The following EFR3B variants were observed in gnomAD, a reference collection of about 807,000 sequenced individuals.
EFR3B encodes EFR3 homolog B.
EFR3B carries 64 observed loss-of-function variants against 104.7 expected under a neutral mutation model. The ratio of observed to expected loss-of-function variants is 0.61; its 90% CI spans 0.50 to 0.75. The LOEUF (loss-of-function observed/expected upper bound fraction) is 0.75, where lower values mean the gene tolerates loss of function less well. Ranked by LOEUF, EFR3B falls within the 30% of genes least tolerant of loss-of-function variation. EFR3B has a pLI of 0.00. For missense variants in EFR3B, 750 were observed against 1,078.5 expected (o/e 0.70, Z 4.27); for synonymous variants, 385 against 417.9 (o/e 0.92, Z 0.96).
chr2:25,123,623 G>A (rs1362555700), intron 5 of EFR3B, among the ~76,000 whole-genome samples: 1 of 152,224 alleles, frequency 6.6e-6, no homozygotes, highest in East Asian at 1.9e-4. Context: ...TTGCAAAATG[G>A]CTATGAAGAG....
At chr2:25,097,661 G>A (rs1219301985) in intron 3 of EFR3B, among the ~76,000 whole-genome samples, 1 of 152,174 alleles carries the variant, frequency 6.6e-6, no homozygotes, top group Admixed American at 6.5e-5. Context: ...GAATTTCAAG[G>A]CATCGTTCAT....
chr2:25,123,805 C>T (rs752775633), intron 5 of EFR3B, among the ~76,000 whole-genome samples: 9 of 152,256 alleles, frequency 5.9e-5, no homozygotes, highest in East Asian at 3.8e-4. Flanking sequence ...CGTGCACACA[C>T]GCACACATGC....
In EFR3B at chr2:25,152,008, C is replaced by T; in HGVS notation, c.2286C>T (p.His762=). Residue 762 remains histidine, a synonymous_variant, in exon 21 of 23, where the codon CAC becomes CAT. Transcript: ENST00000403714. ...QKAPFEEIAA[H]CGARASLLQS... is the part of the protein sequence containing the mutation. ...CACCCTTCGAGGAGATTGCTGCACA[C>T]TGCGGGGCCCGGGTAAGTGAAGCAT... 1 of 1,551,672 alleles carries T rather than the reference C, an allele frequency of 6.4e-7. No individual in the cohort carries two copies.
intron 1 of EFR3B, among the ~76,000 whole-genome samples, chr2:25,074,077 T>G (rs1386683450): frequency 2.0e-5 from 3 of 152,178 alleles, no homozygotes; most frequent in Non-Finnish European, 4.4e-5. Flanking sequence ...TGGGGGGGAC[T>G]CATAATGGAT....
intron 1 of EFR3B, among the ~76,000 whole-genome samples, chr2:25,065,225 A>G (rs1668300546): frequency 6.6e-6 from 1 of 152,168 alleles, no homozygotes; most frequent in Non-Finnish European, 1.5e-5. Context: ...CTGTCACCCC[A>G]GTAGGAATTC....
At chr2:25,087,865 G>A (rs1159576282) in intron 1 of EFR3B, among the ~76,000 whole-genome samples, 2 of 152,088 alleles carry the variant, frequency 1.3e-5, no homozygotes, top group African/African-American at 2.4e-5. Context: ...AGAAGTCATC[G>A]CCAAAAGCGA....
chr2:25,105,756 A>G (rs995192509), intron 4 of EFR3B, among the ~76,000 whole-genome samples: 1 of 152,214 alleles, frequency 6.6e-6, no homozygotes, highest in African/African-American at 2.4e-5. Flanking sequence ...GCCACCATGC[A>G]TCCCTGGGGG....
chr2:25,133,155 G>A lies in EFR3B; in HGVS notation c.1259+141G>A, dbSNP rs891553645. ...CCAAATCCCTCAGCAGCCTTTAATG[G>A]GGCTCTTGGATCCCACAGTTTCTCA... On this transcript the variant is annotated intron_variant, in intron 11 of 22. Coordinates refer to ENST00000403714, the MANE Select transcript of EFR3B (RefSeq NM_014971.2). The A allele has an allele frequency of 5.5e-6, 5 of 909,144 alleles. No homozygotes were observed. The African/African-American group carries it at 8.3e-5, about 15-fold the overall frequency. The allele number at this position is 909,144 out of a possible 1,614,324, so 56.3% of individuals were successfully genotyped here. A position where few individuals can be genotyped will look rare whatever the true frequency, so the allele number is the denominator to read the frequency against.
rs1411467480 is a variant in EFR3B, at chr2:25,042,241, C to A, written c.-72C>A. The A allele has an allele frequency of 3.9e-6, 5 of 1,291,856 alleles. No homozygotes were observed. In the East Asian group the frequency reaches 1.6e-4, roughly 42 times the overall value. The allele number at this position is 1,291,856 out of a possible 1,614,324, so 80.0% of individuals were successfully genotyped here. ...CCCCGCCCCGACTGTGAATGAAAGGCGGGCGCCGCCGAGGGCTGGCTGGGA... is the reference window on the plus strand; with the variant it reads ...CCCCGCCCCGACTGTGAATGAAAGGAGGGCGCCGCCGAGGGCTGGCTGGGA... On this transcript the variant is annotated 5_prime_UTR_variant, in exon 1 of 23. Coordinates refer to ENST00000403714, the MANE Select transcript of EFR3B (RefSeq NM_014971.2). The surrounding 1 kb of genome is among the most constrained non-coding windows in gnomAD (Gnocchi z 5.4).
intron 19 of EFR3B, among the ~76,000 whole-genome samples, chr2:25,148,143 G>A (rs1423961266): frequency 6.6e-6 from 1 of 151,256 alleles, no homozygotes; most frequent in Non-Finnish European, 1.5e-5. Context: ...CAGCATCTAT[G>A]GATCTCCCTT....
chr2:25,133,641 G>C (rs1385859558), intron 12 of EFR3B, among the ~76,000 whole-genome samples: 1 of 152,208 alleles, frequency 6.6e-6, no homozygotes, highest in Non-Finnish European at 1.5e-5. Context: ...ACAGCAAATG[G>C]GGAACCTGTT....
chr2:25,109,047 TGCACCAA>T (rs1669647123), intron 4 of EFR3B, among the ~76,000 whole-genome samples: 1 of 151,760 alleles, frequency 6.6e-6, no homozygotes, highest in African/African-American at 2.4e-5. Context: ...AAAACTTGTA[TGCACCAA>T]AGGACACAAT....
intron 21 of EFR3B, 97 bp from the exon 22 acceptor site, chr2:25,153,615 C>A: frequency 7.9e-7 from 1 of 1,260,318 alleles, no homozygotes; most frequent in Non-Finnish European, 1.1e-6. Context: ...TGTGGCTGCC[C>A]TGTACCTCCA....
chr2:25,106,077 C>T (rs1320268356), intron 4 of EFR3B, among the ~76,000 whole-genome samples: 1 of 152,242 alleles, frequency 6.6e-6, no homozygotes, highest in African/African-American at 2.4e-5. Context: ...TGTGCCCAGA[C>T]CTTCTTGAGC....
chr2:25,050,136 A>C (rs1473494317), intron 1 of EFR3B, among the ~76,000 whole-genome samples: 3 of 151,962 alleles, frequency 2.0e-5, no homozygotes, highest in Non-Finnish European at 2.9e-5. Flanking sequence ...ATCTGAAAAA[A>C]AAAAAAATAG....
In EFR3B at chr2:25,042,810, C is replaced by A; in HGVS notation, c.7+491C>A. On this transcript the variant is annotated intron_variant, in intron 1 of 22. Transcript: ENST00000403714. The surrounding 1 kb of genome is among the most constrained non-coding windows in gnomAD (Gnocchi z 5.4). ...GGAGCAGCCAGTGGCCGAGTCTCGT[C>A]TCGCCCGCCTGAATGGACTCGGCCT... is the stretch of plus-strand genomic sequence containing the variant. 1.8e-6 allele frequency: 1 copy of A among 542,404 alleles called. No individual in the cohort carries two copies. Among genetic ancestry groups the A allele is most frequent in the Non-Finnish European group, 2.4e-6 (1 of 424,770 alleles). 33.6% of individuals were successfully genotyped at this position (542,404 alleles called of 1,614,324 possible).
chr2:25,052,346 T>C lies in EFR3B; in HGVS notation c.7+10027T>C, dbSNP rs142178061. On this transcript the variant is annotated intron_variant, in intron 1 of 22. Transcript: ENST00000403714. Reference sequence around the variant, plus strand: ...GTCCTCAAAAACCATGTTGAATGAATGCATTCTGAGGCATCATCTTTTTCA... The same window carrying C: ...GTCCTCAAAAACCATGTTGAATGAACGCATTCTGAGGCATCATCTTTTTCA... Among the ~76,000 whole-genome samples the C allele has an allele frequency of 7.9e-5, 12 of 152,306 alleles. No individual in the cohort carries two copies. In the East Asian group the frequency reaches 2.3e-3, roughly 29 times the overall value.
chr2:25,056,503 G>A (rs55829517), intron 1 of EFR3B, among the ~76,000 whole-genome samples: 3 of 148,454 alleles, frequency 2.0e-5, no homozygotes, highest in Non-Finnish European at 4.4e-5. Context: ...ATAAATGTCT[G>A]TATCTCGTTG....
Position 25,087,397 on chromosome 2 carries a change from ATTCT to A in EFR3B, c.8-3925_8-3922del, listed in dbSNP as rs556377558. Among the ~76,000 whole-genome samples the A allele has an allele frequency of 9.2e-4, 139 of 151,630 alleles. 1 individual carries two copies. In the Middle Eastern group the frequency reaches 0.017, roughly 19 times the overall value. On this transcript the variant is annotated intron_variant, in intron 1 of 22. Transcript: ENST00000403714. Reference sequence around the variant, plus strand: ...TATATATACACACACACACACATATATTCTTTATTAGCTATGTCTTCTACAAATA... The same window carrying A: ...TATATATACACACACACACACATATATTATTAGCTATGTCTTCTACAAATA...
Sources: gnomAD v4.1 joint callset for allele counts (sites outside exome capture counted in the v4.1 genomes callset) on GRCh38, gnomAD v4.1.1 for gene constraint, Gnocchi (gnomAD v3.1) non-coding constraint, MANE v1.5 for transcripts, NCBI Gene and HGNC (gene_info 2026-07-23, HGNC 2026-07-21) for gene names.